Variants in SLC26A7 observed in about 807,000 individuals in gnomAD.
SLC26A7 encodes the protein solute carrier family 26 member 7.
A neutral mutation model predicts 82.5 loss-of-function variants in SLC26A7; 59 were observed. That is an observed-to-expected ratio of 0.72 (90% CI 0.58 to 0.89). SLC26A7 has a LOEUF of 0.89. Among genes scored for constraint, SLC26A7 ranks in the 40% least tolerant of loss-of-function variants. The pLI is 0.00. For missense variants in SLC26A7, 820 were observed against 793.0 expected (o/e 1.03, Z -0.41); for synonymous variants, 271 against 274.3 (o/e 0.99, Z 0.12).
At chr8:91,240,870 G>A (rs567643230) in intron 2 of SLC26A7, among the ~76,000 whole-genome samples, 84 of 152,240 alleles carry the variant, frequency 5.5e-4, no homozygotes, top group Non-Finnish European at 9.7e-4. Context: ...TGTTGTGGAA[G>A]TCAACACACA....
chr8:91,215,697 T>C (rs965265847), intron 1 of SLC26A7, among the ~76,000 whole-genome samples: 33 of 152,312 alleles, frequency 2.2e-4, no homozygotes, highest in Admixed American at 1.8e-3. Flanking sequence ...TTCACTGACC[T>C]TGGCTTGACA....
At chr8:91,263,152 A>G (rs2130719846) in intron 2 of SLC26A7, among the ~76,000 whole-genome samples, 1 of 152,222 alleles carries the variant, frequency 6.6e-6, no homozygotes, top group South Asian at 2.1e-4. Flanking sequence ...GGTCCTAATT[A>G]GATTCATAAT....
At chr8:91,348,208 T>G (rs1813618825) in intron 9 of SLC26A7, 1 of 470,190 alleles carries the variant, frequency 2.1e-6, no homozygotes, top group African/African-American at 2.1e-5. Context: ...TAAAACCTTC[T>G]TAATCTAGCT....
At chr8:91,381,950 T>C (rs564793311) in intron 15 of SLC26A7, among the ~76,000 whole-genome samples, 2 of 152,330 alleles carry the variant, frequency 1.3e-5, no homozygotes, top group East Asian at 3.9e-4. Context: ...ATTATCTTCA[T>C]ATTGTTTTTT....
chr8:91,221,964 G>T (rs1810166663), intron 2 of SLC26A7, among the ~76,000 whole-genome samples: 1 of 152,120 alleles, frequency 6.6e-6, no homozygotes, highest in Admixed American at 6.5e-5. Flanking sequence ...ACTTTGGGCA[G>T]TATGGCCATT....
intron 2 of SLC26A7, among the ~76,000 whole-genome samples, chr8:91,254,533 C>T (rs759361814): frequency 2.6e-5 from 4 of 152,112 alleles, no homozygotes; most frequent in African/African-American, 9.7e-5. Flanking sequence ...TTTCAATATA[C>T]TTCACTTCTT....
intron 5 of SLC26A7, among the ~76,000 whole-genome samples, chr8:91,331,725 A>T (rs1017030546): frequency 1.3e-5 from 2 of 152,144 alleles, no homozygotes; most frequent in Non-Finnish European, 2.9e-5. Flanking sequence ...GGTTTTCCAT[A>T]CATTTTATCA....
At chr8:91,232,190 C>T (rs2130675132) in intron 2 of SLC26A7, among the ~76,000 whole-genome samples, 1 of 152,260 alleles carries the variant, frequency 6.6e-6, no homozygotes, top group East Asian at 1.9e-4. Flanking sequence ...TCATGGAACT[C>T]AAGTCTTTCA....
intron 15 of SLC26A7, among the ~76,000 whole-genome samples, chr8:91,381,330 C>A (rs570605546): frequency 5.5e-4 from 84 of 152,020 alleles, no homozygotes; most frequent in African/African-American, 2.0e-3. Context: ...TGTTGTAAAT[C>A]AATATACAAC....
chr8:91,222,802 T>C (rs1459236905), intron 2 of SLC26A7, among the ~76,000 whole-genome samples: 1 of 152,166 alleles, frequency 6.6e-6, no homozygotes, highest in East Asian at 1.9e-4. Context: ...TCAGTTTTCT[T>C]TTTTTGTTGT....
chr8:91,243,886 TA>T (rs1484963266), intron 2 of SLC26A7, among the ~76,000 whole-genome samples: 1 of 152,146 alleles, frequency 6.6e-6, no homozygotes, highest in African/African-American at 2.4e-5. Context: ...GTATACCACT[TA>T]AAAGAAACCT....
intron 11 of SLC26A7, 114 bp downstream of exon 11, chr8:91,353,110 C>T: frequency 1.8e-6 from 1 of 566,930 alleles, no homozygotes; most frequent in Non-Finnish European, 2.9e-6. Flanking sequence ...GACTTGTACA[C>T]TTTACAAACT....
At chr8:91,228,143 G>A (rs1810261313) in intron 2 of SLC26A7, among the ~76,000 whole-genome samples, 1 of 152,208 alleles carries the variant, frequency 6.6e-6, no homozygotes, top group Non-Finnish European at 1.5e-5. Flanking sequence ...ACTTTTAAAA[G>A]GTCCTTGTCT....
At chr8:91,235,841 G>T (rs1473022586) in intron 2 of SLC26A7, among the ~76,000 whole-genome samples, 2 of 152,074 alleles carry the variant, frequency 1.3e-5, no homozygotes, top group Admixed American at 6.6e-5. Flanking sequence ...ACTCTAGTTT[G>T]TGACTTCTAT....
intron 4 of SLC26A7, among the ~76,000 whole-genome samples, chr8:91,311,955 A>G: frequency 6.6e-6 from 1 of 152,178 alleles, no homozygotes; most frequent in Non-Finnish European, 1.5e-5. Flanking sequence ...ACAAAAGGAA[A>G]GGCAGTTTCT....
chr8:91,324,932 C>T lies in SLC26A7; in HGVS notation c.642+6552C>T, dbSNP rs184458731. Among the ~76,000 whole-genome samples the T allele has an allele frequency of 5.9e-3, 904 of 152,246 alleles. 8 individuals carry two copies. Among genetic ancestry groups the T allele is most frequent in the Non-Finnish European group, 6.1e-3 (416 of 68,004 alleles). ...AGAAAGAGCAGCAAATGCTAATTCCCTAAGGTAGATATAAGGTTGGCATGT... is the reference window on the plus strand; with the variant it reads ...AGAAAGAGCAGCAAATGCTAATTCCTTAAGGTAGATATAAGGTTGGCATGT... On this transcript the variant is annotated intron_variant, in intron 5 of 18. Coordinates refer to ENST00000276609, the MANE Select transcript of SLC26A7 (RefSeq NM_052832.4).
At chr8:91,352,871 C>T (rs1813756040) in intron 10 of SLC26A7, 30 bp from the exon 11 acceptor site, 1 of 1,539,708 alleles carries the variant, frequency 6.5e-7, no homozygotes, top group Admixed American at 1.9e-5. Context: ...TTTTATGTTG[C>T]TTCTTCTTCA....
At chr8:91,328,317 C>T (rs972692507) in intron 5 of SLC26A7, among the ~76,000 whole-genome samples, 4 of 151,998 alleles carry the variant, frequency 2.6e-5, no homozygotes, top group African/African-American at 9.7e-5. Context: ...CTTTTTCAGC[C>T]TTGATGTTGC....
chr8:91,244,247 G>T (rs1810513693), intron 2 of SLC26A7, among the ~76,000 whole-genome samples: 1 of 152,044 alleles, frequency 6.6e-6, no homozygotes, highest in African/African-American at 2.4e-5. Context: ...ATGAGACAAG[G>T]CTTTTATTAA....
Sources: allele counts gnomAD v4.1 joint callset (sites outside exome capture counted in the v4.1 genomes callset), GRCh38; gene constraint gnomAD v4.1.1; transcripts MANE v1.5; gene names NCBI Gene and HGNC (gene_info 2026-07-23, HGNC 2026-07-21).